The following PVALB variants were observed in gnomAD, a reference collection of about 807,000 sequenced individuals.
PVALB encodes the protein parvalbumin, also known as parvalbumin alpha.
A neutral mutation model predicts 10.9 loss-of-function variants in PVALB; 11 were observed. That is an observed-to-expected ratio of 1.01 (90% CI 0.63 to 1.67). The LOEUF (loss-of-function observed/expected upper bound fraction) is 1.67, where lower values mean the gene tolerates loss of function less well. PVALB is among the 40% of genes most tolerant of loss of function. The pLI is 0.00. For missense variants in PVALB, 131 were observed against 136.2 expected, an observed-to-expected ratio of 0.96 and a Z score of 0.19; for synonymous variants, 57 against 50.7, an observed-to-expected ratio of 1.12 and a Z score of -0.53.
At chr22:36,813,789 GT>G in intron 2 of PVALB, 34 bp from the exon 3 acceptor site, 1 of 1,544,028 alleles carries the variant, frequency 6.5e-7, no homozygotes, top group Non-Finnish European at 9.0e-7. Context: ...CGGTGAGGGA[GT>G]CAGGCCGAGG....
At chr22:36,802,261 AAC>A (rs1297619677) in intron 3 of PVALB, among the ~76,000 whole-genome samples, 6 of 152,026 alleles carry the variant, frequency 3.9e-5, no homozygotes, top group African/African-American at 1.2e-4. Flanking sequence ...AAAAAGTGAA[AAC>A]ACACACACAC....
At chr22:36,809,353 A>G (rs2145949574) in intron 3 of PVALB, among the ~76,000 whole-genome samples, 1 of 152,378 alleles carries the variant, frequency 6.6e-6, no homozygotes, top group South Asian at 2.1e-4. Context: ...TGAAAAAAAC[A>G]AAGTTCCTGC....
chr22:36,804,285 C>A (rs868079003), intron 3 of PVALB, among the ~76,000 whole-genome samples: 1 of 152,322 alleles, frequency 6.6e-6, no homozygotes. Flanking sequence ...CAATGAGGGA[C>A]TCTCCGGTGA....
chr22:36,806,745 T>C (rs1017782286), intron 3 of PVALB, among the ~76,000 whole-genome samples: 27 of 152,328 alleles, frequency 1.8e-4, no homozygotes, highest in African/African-American at 5.5e-4. Context: ...GCTCACTCTG[T>C]ACCAGGCACC....
At chr22:36,813,942 G>A (rs1939089181) in intron 2 of PVALB, among the ~76,000 whole-genome samples, 187 bp from the exon 3 acceptor site, 1 of 152,158 alleles carries the variant, frequency 6.6e-6, no homozygotes, top group Admixed American at 6.5e-5. Context: ...TCGTGGGTGA[G>A]TATTTAGGAA....
intron 1 of PVALB, 132 bp downstream of exon 1, chr22:36,816,813 T>C: frequency 1.4e-6 from 1 of 727,656 alleles, no homozygotes; most frequent in Non-Finnish European, 2.1e-6. Flanking sequence ...CGCCCCGACC[T>C]CGCCGGCGCC....
chr22:36,811,632 T>C, intron 3 of PVALB: 1 of 438,320 alleles, frequency 2.3e-6, no homozygotes, highest in Non-Finnish European at 4.7e-6. Flanking sequence ...ATCAGGTAGG[T>C]TTTCTGTGAG....
intron 3 of PVALB, among the ~76,000 whole-genome samples, chr22:36,807,751 T>C (rs1220192139): frequency 6.6e-6 from 1 of 152,162 alleles, no homozygotes; most frequent in Admixed American, 6.6e-5. Context: ...GGCTTTCTAA[T>C]TTCTGCCTGA....
chr22:36,813,770 G>T lies in PVALB; in HGVS notation c.195-15C>A, dbSNP rs367646655. On this transcript the variant is annotated splice_polypyrimidine_tract_variant and intron_variant, in intron 2 of 3. Coordinates refer to ENST00000417718, the MANE Select transcript of PVALB (RefSeq NM_001315532.2). ...TTAGGATGAATCTGGAGGAGAAAAG[G>T]GAGAAAGCCGGTGAGGGAGTCAGGC... The T allele has an allele frequency of 6.3e-7, 1 of 1,593,910 alleles. No homozygotes were observed. The highest frequency in any genetic ancestry group is 8.6e-7 in the Non-Finnish European group (1 of 1,161,860).
In PVALB at chr22:36,815,971, T is replaced by C. The variant is rs28372402; in HGVS notation, c.62-736A>G. Among the ~76,000 whole-genome samples, 415 of 152,260 alleles carry C rather than the reference T, an allele frequency of 2.7e-3. 2 individuals are homozygous for C. The highest frequency in any genetic ancestry group is 9.5e-3 in the African/African-American group (396 of 41,554). On this transcript the variant is annotated intron_variant, in intron 1 of 3. Coordinates refer to ENST00000417718, the MANE Select transcript of PVALB (RefSeq NM_001315532.2). Reference sequence around the variant, plus strand: ...CAGAAAGGAAATGGGGGTCCTTTTCTACCTGCAATTTTCTGTATCTTGGGG... The same window carrying C: ...CAGAAAGGAAATGGGGGTCCTTTTCCACCTGCAATTTTCTGTATCTTGGGG...
At chr22:36,817,898 G>A (rs1278270814), upstream of PVALB, among the ~76,000 whole-genome samples, 3 of 151,998 alleles carry the variant, frequency 2.0e-5, no homozygotes, top group Non-Finnish European at 4.4e-5. Flanking sequence ...CTCCCTCCCA[G>A]AAAGCCCCAT....
chr22:36,802,919 T>C (rs145973577), intron 3 of PVALB, among the ~76,000 whole-genome samples: 19 of 152,192 alleles, frequency 1.2e-4, no homozygotes, highest in African/African-American at 4.6e-4. Flanking sequence ...ATCCCTCCCA[T>C]AGGGCAGGCG....
At chr22:36,805,052 C>T (rs892374581) in intron 3 of PVALB, among the ~76,000 whole-genome samples, 6 of 152,192 alleles carry the variant, frequency 3.9e-5, no homozygotes, top group East Asian at 1.9e-4. Flanking sequence ...TTTGAATGGT[C>T]GGGTTCTAGT....
intron 3 of PVALB, among the ~76,000 whole-genome samples, chr22:36,810,883 C>A (rs968841717): frequency 3.3e-5 from 5 of 152,238 alleles, no homozygotes; most frequent in African/African-American, 9.6e-5. Flanking sequence ...GCCTCCAAGT[C>A]CGTACAAAAT....
chr22:36,817,217 G>C, upstream of PVALB: 1 of 375,624 alleles, frequency 2.7e-6, no homozygotes, highest in Non-Finnish European at 4.7e-6. Flanking sequence ...GCAAGAAGGC[G>C]CGCGGACCTG....
intron 1 of PVALB, among the ~76,000 whole-genome samples, chr22:36,815,666 C>G (rs1052159584): frequency 6.6e-6 from 1 of 152,136 alleles, no homozygotes; most frequent in Admixed American, 6.5e-5. Context: ...GGTTGACCTT[C>G]TTTCTTGGCC....
At chr22:36,808,824 AT>A (rs1003534531) in intron 3 of PVALB, among the ~76,000 whole-genome samples, 4 of 151,606 alleles carry the variant, frequency 2.6e-5, no homozygotes, top group African/African-American at 7.3e-5. Flanking sequence ...TTTAACAAAG[AT>A]TTTTTTTTGG....
intron 3 of PVALB, among the ~76,000 whole-genome samples, chr22:36,804,483 C>CT (rs1938920419): frequency 6.6e-6 from 1 of 152,188 alleles, no homozygotes; most frequent in Non-Finnish European, 1.5e-5. Context: ...CCCTCAGAAC[C>CT]TTCAATAGGG....
At chr22:36,815,955 A>T (rs1939132092) in intron 1 of PVALB, among the ~76,000 whole-genome samples, 1 of 151,484 alleles carries the variant, frequency 6.6e-6, no homozygotes, top group Non-Finnish European at 1.5e-5. Flanking sequence ...GCAGAAAGGA[A>T]ATGGGGGTCC....
Sources: allele counts gnomAD v4.1 joint callset (sites outside exome capture counted in the v4.1 genomes callset), GRCh38; gene constraint gnomAD v4.1.1; transcripts MANE v1.5; gene names NCBI Gene and HGNC (gene_info 2026-07-23, HGNC 2026-07-21).